The following RFTN1 variants were observed in gnomAD, a reference collection of about 807,000 sequenced individuals.
RFTN1 encodes raftlin.
In RFTN1, 26 loss-of-function variants were observed where a neutral mutation model predicts 46.5. That is an observed-to-expected ratio of 0.56 (90% CI 0.41 to 0.78). The LOEUF is 0.78. Ranked by LOEUF, RFTN1 falls within the 30% of genes least tolerant of loss-of-function variation. RFTN1 has a pLI of 0.00. For synonymous variants in RFTN1, 261 were observed against 284.2 expected (o/e 0.92, Z 0.82); for missense variants, 693 against 718.7 (o/e 0.96, Z 0.41).
In RFTN1 at chr3:16,424,179, G is replaced by A. The variant is rs535051952; in HGVS notation, c.332+9672C>T. On this transcript the variant is annotated intron_variant, in intron 3 of 9. Transcript: ENST00000334133. This position sits in a 1 kb window ranked among gnomAD's most constrained non-coding sequence, Gnocchi z 4.7. ...CTCTGAGGATGTTTCTATAAGCTCT[G>A]GGGCCTCTGAGTTGAAAGATGATGT... 1.3e-5 allele frequency among the ~76,000 whole-genome samples: 2 copies of A among 152,270 alleles called. No individual in the cohort carries two copies. Among genetic ancestry groups the A allele is most frequent in the East Asian group, 3.9e-4 (2 of 5,190 alleles).
chr3:16,316,533 C>T lies in RFTN1; in HGVS notation c.*295G>A. ...ACAGGCACTGGATGGTCCAGACCCT[C>T]TGGCTGGAGGAGTGGTGGAGCCAGG... On this transcript the variant is annotated 3_prime_UTR_variant, in exon 10 of 10. Coordinates refer to ENST00000334133, the MANE Select transcript of RFTN1 (RefSeq NM_015150.2). This position sits in a 1 kb window ranked among gnomAD's most constrained non-coding sequence, Gnocchi z 4.5. 2.2e-6 allele frequency: 1 copy of T among 446,012 alleles called. No individual in the cohort carries two copies. Among genetic ancestry groups the T allele is most frequent in the Non-Finnish European group, 4.1e-6 (1 of 245,132 alleles). 27.6% of individuals were successfully genotyped at this position (446,012 alleles called of 1,614,324 possible).
Position 16,402,027 on chromosome 3 carries a change from C to A in RFTN1, c.441+7348G>T, listed in dbSNP as rs1360906265. On this transcript the variant is annotated intron_variant, in intron 4 of 9. Coordinates refer to ENST00000334133, the MANE Select transcript of RFTN1 (RefSeq NM_015150.2). The surrounding 1 kb of genome is among the most constrained non-coding windows in gnomAD (Gnocchi z 4.5). ...TTTCTTGCAAGTCCCAGCCCAACAA[C>A]CACAGCTGCCTTCTGGAATGTTCCC... Among the ~76,000 whole-genome samples, 2 of 152,222 alleles carry A rather than the reference C, an allele frequency of 1.3e-5. No individual in the cohort carries two copies. Among genetic ancestry groups the A allele is most frequent in the Non-Finnish European group, 2.9e-5 (2 of 68,044 alleles).
In RFTN1 at chr3:16,435,758, C is replaced by T. The variant is rs532825659; in HGVS notation, c.146-1721G>A. On this transcript the variant is annotated intron_variant, in intron 2 of 9. Transcript: ENST00000334133. Reference sequence around the variant, plus strand: ...ATTCCTACATGATTTTGCATGTGTGCGCTTATAGTACATATACAAAATAAA... The same window carrying T: ...ATTCCTACATGATTTTGCATGTGTGTGCTTATAGTACATATACAAAATAAA... Among the ~76,000 whole-genome samples the T allele has an allele frequency of 1.3e-4, 19 of 151,880 alleles. No homozygotes were observed. In the South Asian group the frequency reaches 3.3e-3, roughly 27 times the overall value.
At chr3:16,495,191 G>T (rs1247540726) in intron 1 of RFTN1, among the ~76,000 whole-genome samples, 1 of 152,240 alleles carries the variant, frequency 6.6e-6, no homozygotes, top group Non-Finnish European at 1.5e-5. Flanking sequence ...CAATCTGCAT[G>T]AACTGATTAC....
Position 16,382,235 on chromosome 3 carries a change from G to A in RFTN1, c.442-4133C>T, listed in dbSNP as rs1216388506. 6.6e-6 allele frequency among the ~76,000 whole-genome samples: 1 copy of A among 152,164 alleles called. No homozygotes were observed. The highest frequency in any genetic ancestry group is 2.4e-5 in the African/African-American group (1 of 41,430). ...TGCCAAGTTGTTTACCAAAAAGGGTGCGTAGTCCTTTTTAACTAGACGACC... is the reference window on the plus strand; with the variant it reads ...TGCCAAGTTGTTTACCAAAAAGGGTACGTAGTCCTTTTTAACTAGACGACC... On this transcript the variant is annotated intron_variant, in intron 4 of 9. Coordinates refer to ENST00000334133, the MANE Select transcript of RFTN1 (RefSeq NM_015150.2). This position sits in a 1 kb window ranked among gnomAD's most constrained non-coding sequence, Gnocchi z 4.7.
At chr3:16,487,796 C>T (rs2076474001) in intron 2 of RFTN1, among the ~76,000 whole-genome samples, 1 of 152,218 alleles carries the variant, frequency 6.6e-6, no homozygotes, top group Non-Finnish European at 1.5e-5. Flanking sequence ...TGGCAAAACG[C>T]TCACATAAAA....
rs1426127248 is a variant in RFTN1 at position 16,495,659 on chromosome 3, C to T, written c.-8-1782G>A. Reference sequence around the variant, plus strand: ...GGCATGGAGGCAGGAAGCTGCCCTACCTGAAGGGAAAGGGCAGGCAGTGTG... The same window carrying T: ...GGCATGGAGGCAGGAAGCTGCCCTATCTGAAGGGAAAGGGCAGGCAGTGTG... On this transcript the variant is annotated intron_variant, in intron 1 of 9. Transcript: ENST00000334133. Among the ~76,000 whole-genome samples, 6 of 152,166 alleles carry T rather than the reference C, an allele frequency of 3.9e-5. No homozygotes were observed. In the East Asian group the frequency reaches 1.2e-3, roughly 29 times the overall value.
chr3:16,400,011 G>C lies in RFTN1; in HGVS notation c.441+9364C>G, dbSNP rs2860052. On this transcript the variant is annotated intron_variant, in intron 4 of 9. Transcript: ENST00000334133. This position sits in a 1 kb window ranked among gnomAD's most constrained non-coding sequence, Gnocchi z 4.5. Reference sequence around the variant, plus strand: ...CCTAACCACACCCACTCTTGACCCAGAAGCCAGTCACTAACCTGCAGCCAT... The same window carrying C: ...CCTAACCACACCCACTCTTGACCCACAAGCCAGTCACTAACCTGCAGCCAT... Among the ~76,000 whole-genome samples the C allele has an allele frequency of 0.61, 92,482 of 152,042 alleles. 28,826 individuals carry two copies. The highest frequency in any genetic ancestry group is 0.74 in the African/African-American group (30,872 of 41,466).
chr3:16,495,058 C>T (rs1028047701), intron 1 of RFTN1, among the ~76,000 whole-genome samples: 1 of 152,032 alleles, frequency 6.6e-6, no homozygotes, highest in Non-Finnish European at 1.5e-5. Flanking sequence ...GTAGCGACAA[C>T]CAGGCTCTAC....
At position 16,429,436 on chromosome 3, in the gene RFTN1, T is replaced by A. The variant is rs1382021954; in HGVS notation, c.332+4415A>T. 6.6e-6 allele frequency among the ~76,000 whole-genome samples: 1 copy of A among 152,186 alleles called. No individual in the cohort carries two copies. Among genetic ancestry groups the A allele is most frequent in the African/African-American group, 2.4e-5 (1 of 41,452 alleles). On this transcript the variant is annotated intron_variant, in intron 3 of 9. Coordinates refer to ENST00000334133, the MANE Select transcript of RFTN1 (RefSeq NM_015150.2). This position sits in a 1 kb window ranked among gnomAD's most constrained non-coding sequence, Gnocchi z 6.4. ...ACTCCCCATGTTTGCCCAAAAGAAA[T>A]CAGGCCCAAGTTAAAAGCTGCCCCT...
At chr3:16,417,269 A>G (rs1481734215) in intron 3 of RFTN1, among the ~76,000 whole-genome samples, 1 of 151,760 alleles carries the variant, frequency 6.6e-6, no homozygotes, top group Non-Finnish European at 1.5e-5. Flanking sequence ...TAAAGTGCTG[A>G]GAATACAGGC....
rs151007921 is a variant in RFTN1, at chr3:16,442,816, T to G, written c.146-8779A>C. On this transcript the variant is annotated intron_variant, in intron 2 of 9. Transcript: ENST00000334133. This position sits in a 1 kb window ranked among gnomAD's most constrained non-coding sequence, Gnocchi z 4.1. ...TTTTTAGTTTAAGATTGCACATATA[T>G]GCAAGATTACGTAGTATTTTTCCTT... Among the ~76,000 whole-genome samples the G allele has an allele frequency of 2.0e-5, 3 of 152,358 alleles. No homozygotes were observed. The highest frequency in any genetic ancestry group is 7.2e-5 in the African/African-American group (3 of 41,596).
At position 16,352,105 on chromosome 3, in the gene RFTN1, C is replaced by T. The variant is rs561630692; in HGVS notation, c.1146+5827G>A. Among the ~76,000 whole-genome samples the T allele has an allele frequency of 6.6e-6, 1 of 152,362 alleles. No individual in the cohort carries two copies. Among genetic ancestry groups the T allele is most frequent in the East Asian group, 1.9e-4 (1 of 5,192 alleles). On this transcript the variant is annotated intron_variant, in intron 7 of 9. Transcript: ENST00000334133. This position sits in a 1 kb window ranked among gnomAD's most constrained non-coding sequence, Gnocchi z 4.6. ...ATGTGTAAGATAGGAATCTGATTTG[C>T]TTTGGGTCTCTTTAATTGGCTTTTT...
intron 2 of RFTN1, among the ~76,000 whole-genome samples, chr3:16,491,283 C>T (rs765121458): frequency 6.6e-6 from 1 of 152,052 alleles, no homozygotes; most frequent in Non-Finnish European, 1.5e-5. Flanking sequence ...CAGAGGAGGC[C>T]TGGCAGGTTC....
chr3:16,348,858 C>G lies in RFTN1; in HGVS notation c.1146+9074G>C, dbSNP rs1007579043. Reference sequence around the variant, plus strand: ...GACTGGTTTTGGTCCAATAGCCCATCATCTCTGTGTCCTGCCACTGCCACA... The same window carrying G: ...GACTGGTTTTGGTCCAATAGCCCATGATCTCTGTGTCCTGCCACTGCCACA... On this transcript the variant is annotated intron_variant, in intron 7 of 9. Coordinates refer to ENST00000334133, the MANE Select transcript of RFTN1 (RefSeq NM_015150.2). This position sits in a 1 kb window ranked among gnomAD's most constrained non-coding sequence, Gnocchi z 6.3. 6.6e-6 allele frequency among the ~76,000 whole-genome samples: 1 copy of G among 152,200 alleles called. No individual in the cohort carries two copies. The highest frequency in any genetic ancestry group is 1.5e-5 in the Non-Finnish European group (1 of 68,030).
rs1462642744 is a variant in RFTN1 at position 16,431,947 on chromosome 3, C to T, written c.332+1904G>A. ...GGAGACAGCCTTCCTGGGAGCAAGG[C>T]AGAACTCTGCTTGCTGCCATCCGTG... On this transcript the variant is annotated intron_variant, in intron 3 of 9. Coordinates refer to ENST00000334133, the MANE Select transcript of RFTN1 (RefSeq NM_015150.2). Among the ~76,000 whole-genome samples, 4 of 152,150 alleles carry T rather than the reference C, an allele frequency of 2.6e-5. No homozygotes were observed. The East Asian group carries it at 7.7e-4, about 29-fold the overall frequency.
Position 16,316,589 on chromosome 3 carries a change from A to G in RFTN1, c.*239T>C. 1.7e-6 allele frequency: 1 copy of G among 579,898 alleles called. No homozygotes were observed. The highest frequency in any genetic ancestry group is 3.1e-6 in the Non-Finnish European group (1 of 325,468). The allele number at this position is 579,898 out of a possible 1,614,324, so 35.9% of individuals were successfully genotyped here. ...GCCTTCAGCCATGAGGGCTAGAATA[A>G]CCTGACCTCTTGCATTCTAACACTG... On this transcript the variant is annotated 3_prime_UTR_variant, in exon 10 of 10. Coordinates refer to ENST00000334133, the MANE Select transcript of RFTN1 (RefSeq NM_015150.2). This position sits in a 1 kb window ranked among gnomAD's most constrained non-coding sequence, Gnocchi z 4.5.
In RFTN1 at chr3:16,351,638, C is replaced by T. The variant is rs1248144303; in HGVS notation, c.1146+6294G>A. On this transcript the variant is annotated intron_variant, in intron 7 of 9. Transcript: ENST00000334133. This position sits in a 1 kb window ranked among gnomAD's most constrained non-coding sequence, Gnocchi z 5.4. ...GGTAGCAGCTGCTTTCTAGGATGCT[C>T]ATGCCCTTCTGACCTCACCAACTGA... Among the ~76,000 whole-genome samples the T allele has an allele frequency of 6.6e-6, 1 of 152,178 alleles. No homozygotes were observed. The highest frequency in any genetic ancestry group is 2.4e-5 in the African/African-American group (1 of 41,440).
Position 16,507,854 on chromosome 3 carries a change from T to TA in RFTN1, c.-9+5587dup, listed in dbSNP as rs775472447. Among the ~76,000 whole-genome samples, 1 of 151,298 alleles carries TA rather than the reference T, an allele frequency of 6.6e-6. No homozygotes were observed. The highest frequency in any genetic ancestry group is 1.5e-5 in the Non-Finnish European group (1 of 67,806). The stretch of plus-strand genomic sequence containing the variant: ...ACACACACACATACACACATATATA[T>TA]ACACACACACATGCACACATATGAA... On this transcript the variant is annotated intron_variant, in intron 1 of 9. Coordinates refer to ENST00000334133, the MANE Select transcript of RFTN1 (RefSeq NM_015150.2). The surrounding 1 kb of genome is among the most constrained non-coding windows in gnomAD (Gnocchi z 7.1).
Sources: gnomAD v4.1 joint callset for allele counts (sites outside exome capture counted in the v4.1 genomes callset) on GRCh38, gnomAD v4.1.1 for gene constraint, Gnocchi (gnomAD v3.1) non-coding constraint, MANE v1.5 for transcripts, NCBI Gene and HGNC (gene_info 2026-07-23, HGNC 2026-07-21) for gene names.